RNF17: variants seen among roughly 807,000 people sequenced by gnomAD.
The protein encoded by RNF17 is ring finger protein 17, also known as spermatogenesis associated 23.
RNF17 carries 31 observed loss-of-function variants against 200.5 expected under a neutral mutation model. The observed-to-expected ratio is 0.15, with a 90% CI of 0.12 to 0.21. RNF17 has a LOEUF of 0.21. Ranked by LOEUF, RNF17 falls within the 10% of genes least tolerant of loss-of-function variation. The pLI is 1.00. For missense variants in RNF17, 1,628 were observed against 1,905.1 expected (o/e 0.85, Z 2.71); for synonymous variants, 606 against 637.8 (o/e 0.95, Z 0.75).
intron 2 of RNF17, among the ~76,000 whole-genome samples, chr13:24,768,200 T>G (rs1039772441): frequency 6.6e-6 from 1 of 152,158 alleles, no homozygotes; most frequent in African/African-American, 2.4e-5. Context: ...TAAAATTTAC[T>G]TGATATCCTA....
intron 13 of RNF17, among the ~76,000 whole-genome samples, chr13:24,801,691 A>G (rs1041238253): frequency 2.0e-5 from 3 of 152,174 alleles, no homozygotes; most frequent in Admixed American, 2.0e-4. Flanking sequence ...AATCTTATGC[A>G]TTGCTAGTAA....
intron 15 of RNF17, among the ~76,000 whole-genome samples, chr13:24,814,204 G>A (rs1887119620): frequency 6.6e-6 from 1 of 152,170 alleles, no homozygotes; most frequent in East Asian, 1.9e-4. Context: ...TGAATAGGCT[G>A]AGGAAGAGCA....
chr13:24,797,303 T>A (rs577470552), intron 11 of RNF17, among the ~76,000 whole-genome samples: 1 of 152,180 alleles, frequency 6.6e-6, no homozygotes, highest in South Asian at 2.1e-4. Context: ...AAAACACTCA[T>A]TTATATTTTG....
In RNF17 at chr13:24,815,641, C is replaced by A. The variant is rs192310457; in HGVS notation, c.2092-9978C>A. On this transcript the variant is annotated intron_variant, in intron 15 of 35. Coordinates refer to ENST00000255324, the MANE Select transcript of RNF17 (RefSeq NM_031277.3). Reference sequence around the variant, plus strand: ...AAGATGAAGAAGCAGGCTTCCTTGTCTTATTCCTGTCTTAAGGGAAAAGCG... The same window carrying A: ...AAGATGAAGAAGCAGGCTTCCTTGTATTATTCCTGTCTTAAGGGAAAAGCG... Among the ~76,000 whole-genome samples the A allele has an allele frequency of 2.5e-3, 378 of 152,242 alleles. 1 individual carries two copies. The highest frequency in any genetic ancestry group is 8.6e-3 in the African/African-American group (358 of 41,554).
At chr13:24,771,788 A>T (rs1487419936) in intron 2 of RNF17, among the ~76,000 whole-genome samples, 3 of 151,888 alleles carry the variant, frequency 2.0e-5, no homozygotes, top group Non-Finnish European at 4.4e-5. Context: ...GGTGGATCAC[A>T]TGAGGTCGGG....
downstream of RNF17, chr13:24,884,290 A>C: frequency 6.2e-7 from 1 of 1,613,980 alleles, no homozygotes; most frequent in Non-Finnish European, 8.5e-7. Flanking sequence ...AGAGATGGTT[A>C]AACTATGGAG....
At chr13:24,883,118 A>AT (rs1953908776), downstream of RNF17, 27 of 1,384,634 alleles carry the variant, frequency 1.9e-5, no homozygotes, top group South Asian at 2.7e-4. Context: ...TCCACAGTAA[A>AT]TGTACATTTT....
intron 10 of RNF17, among the ~76,000 whole-genome samples, chr13:24,794,800 G>A (rs1034792996): frequency 3.3e-5 from 5 of 152,194 alleles, no homozygotes; most frequent in Non-Finnish European, 5.9e-5. Flanking sequence ...CTGGCTCACT[G>A]CAACCTCCTC....
At chr13:24,773,682 C>G (rs912378252) in intron 2 of RNF17, among the ~76,000 whole-genome samples, 2 of 152,132 alleles carry the variant, frequency 1.3e-5, no homozygotes, top group Admixed American at 6.5e-5. Flanking sequence ...TACACGTACC[C>G]CTTGAATCTA....
At chr13:24,866,395 AT>A (rs993685219) in intron 30 of RNF17, among the ~76,000 whole-genome samples, 192 bp downstream of exon 30, 4 of 151,972 alleles carry the variant, frequency 2.6e-5, no homozygotes, top group Non-Finnish European at 5.9e-5. Context: ...TTTCCAGAAC[AT>A]TTCATCACCC....
At chr13:24,798,970 C>G (rs1266049216) in intron 11 of RNF17, among the ~76,000 whole-genome samples, 1 of 152,134 alleles carries the variant, frequency 6.6e-6, no homozygotes, top group African/African-American at 2.4e-5. Context: ...TGTTTCTTCT[C>G]TCATTACAAA....
At chr13:24,752,635 C>T in the RNF17 span, among the ~76,000 whole-genome samples, 342 of 152,326 alleles carry the variant, frequency 2.2e-3, 1 homozygote, top group Admixed American at 3.7e-3. Flanking sequence ...TTTGGAGGAA[C>T]ATAGATGGCC....
At chr13:24,804,845 T>C (rs1468406734) in intron 15 of RNF17, among the ~76,000 whole-genome samples, 1 of 152,182 alleles carries the variant, frequency 6.6e-6, no homozygotes, top group Non-Finnish European at 1.5e-5. Context: ...GTGACTGATG[T>C]GTTTAGATAG....
chr13:24,884,190 TC>T (rs1283083598), downstream of RNF17: 6 of 1,614,078 alleles, frequency 3.7e-6, no homozygotes, highest in South Asian at 1.1e-5. Flanking sequence ...ATGTAAGACT[TC>T]CAGTCCCTCC....
At position 24,767,291 on chromosome 13, in the gene RNF17, A is replaced by G. The variant is rs142010336; in HGVS notation, c.150A>G (p.Gln50=). ...SRSSGHHCEL[Q]CGHAFCELCL... ...CAATAGGTCACCATTGTGAACTTCAATGTGGACATGCTTTTTGTGAACTAT... is the reference window on the plus strand; with the variant it reads ...CAATAGGTCACCATTGTGAACTTCAGTGTGGACATGCTTTTTGTGAACTAT... The change falls in exon 2 of 36, where the codon CAA becomes CAG. Residue 50 remains glutamine, a synonymous_variant. Coordinates refer to ENST00000255324, the MANE Select transcript of RNF17 (RefSeq NM_031277.3). 38 of 1,609,078 alleles carry G rather than the reference A, an allele frequency of 2.4e-5. No individual in the cohort carries two copies. The African/African-American group carries it at 2.7e-4, about 11-fold the overall frequency.
intron 2 of RNF17, among the ~76,000 whole-genome samples, chr13:24,771,297 G>A (rs1880632939): frequency 6.8e-6 from 1 of 148,002 alleles, no homozygotes; most frequent in Admixed American, 6.8e-5. Context: ...TGGGACTAAA[G>A]GGGAGTACCA....
At chr13:24,862,088 C>T (rs888918481) in intron 27 of RNF17, among the ~76,000 whole-genome samples, 1 of 152,192 alleles carries the variant, frequency 6.6e-6, no homozygotes, top group African/African-American at 2.4e-5. Flanking sequence ...ATGGGGGAAA[C>T]TGCCCCATGA....
chr13:24,867,318 A>C (rs891462907), intron 30 of RNF17, among the ~76,000 whole-genome samples: 1 of 152,052 alleles, frequency 6.6e-6, no homozygotes, highest in Non-Finnish European at 1.5e-5. Context: ...GGACCACCAC[A>C]TCCAGCTTTC....
intron 24 of RNF17, among the ~76,000 whole-genome samples, chr13:24,852,359 C>A (rs915997484): frequency 1.3e-5 from 2 of 152,024 alleles, no homozygotes; most frequent in African/African-American, 4.8e-5. Context: ...AGGATGGCCT[C>A]GATCTCCTGA....
Sources: gnomAD v4.1 joint callset for allele counts (sites outside exome capture counted in the v4.1 genomes callset) on GRCh38, gnomAD v4.1.1 for gene constraint, MANE v1.5 for transcripts, NCBI Gene and HGNC (gene_info 2026-07-23, HGNC 2026-07-21) for gene names.